The following PEBP4 variants were observed in gnomAD, a reference collection of about 807,000 sequenced individuals.
PEBP4 encodes phosphatidylethanolamine-binding protein 4.
In PEBP4, 22 loss-of-function variants were observed where a neutral mutation model predicts 23.9. The observed-to-expected ratio is 0.92, with a 90% CI of 0.66 to 1.31. The LOEUF (loss-of-function observed/expected upper bound fraction) is 1.31. Among genes scored for constraint, PEBP4 ranks in the 40% most tolerant of loss-of-function variants. The pLI, the probability that PEBP4 is intolerant of heterozygous loss-of-function variation, is 0.00. For synonymous variants in PEBP4, 112 were observed against 99.3 expected (o/e 1.13, Z -0.76); for missense variants, 324 against 281.7 (o/e 1.15, Z -1.07).
At chr8:22,924,727 A>G in intron 2 of PEBP4, 1 of 985,298 alleles carries the variant, frequency 1.0e-6, no homozygotes, top group Non-Finnish European at 1.2e-6. Context: ...GGGTTTTTTG[A>G]GTGGATTCAC....
At chr8:22,889,143 C>T (rs186446795) in intron 3 of PEBP4, among the ~76,000 whole-genome samples, 107 of 152,352 alleles carry the variant, frequency 7.0e-4, no homozygotes, top group African/African-American at 2.3e-3. Context: ...TTGATTTGGA[C>T]TCAAAAGACC....
At chr8:22,928,421 C>A (rs1533067), upstream of PEBP4, among the ~76,000 whole-genome samples, 151,745 of 152,308 alleles carry the variant, frequency 1, 75,597 homozygotes, top group Middle Eastern at 1. Flanking sequence ...AGCTGTGCTG[C>A]ACTCAGCACT....
At chr8:22,833,087 G>T (rs1294009407) in intron 3 of PEBP4, among the ~76,000 whole-genome samples, 1 of 152,186 alleles carries the variant, frequency 6.6e-6, no homozygotes, top group African/African-American at 2.4e-5. Context: ...TCTTGCCCAT[G>T]CTTCCCCCGT....
At chr8:22,854,999 C>T (rs981266537) in intron 3 of PEBP4, among the ~76,000 whole-genome samples, 7 of 51,660 alleles carry the variant, frequency 1.4e-4, no homozygotes, top group South Asian at 9.2e-4. Context: ...TGAGTATGCA[C>T]GCACACACAC....
At chr8:22,750,244 G>A (rs1265872327) in intron 4 of PEBP4, among the ~76,000 whole-genome samples, 1 of 152,088 alleles carries the variant, frequency 6.6e-6, no homozygotes, top group Non-Finnish European at 1.5e-5. Context: ...TGGGATTACA[G>A]GTGCCTGCCA....
chr8:22,800,998 C>T (rs987045306), intron 4 of PEBP4, among the ~76,000 whole-genome samples: 2 of 152,112 alleles, frequency 1.3e-5, no homozygotes, highest in East Asian at 1.9e-4. Context: ...TCTGCCACTC[C>T]ACACCCTCCC....
chr8:22,715,078 G>A (rs984205042), intron 6 of PEBP4, among the ~76,000 whole-genome samples: 2 of 152,244 alleles, frequency 1.3e-5, no homozygotes, highest in Non-Finnish European at 2.9e-5. Context: ...AGGAAGCTTC[G>A]TAGTGGCAGG....
chr8:22,719,266 G>A (rs888924155), intron 6 of PEBP4, among the ~76,000 whole-genome samples: 49 of 152,294 alleles, frequency 3.2e-4, no homozygotes, highest in African/African-American at 1.1e-3. Context: ...TTTCCAGCAC[G>A]TTGACACCAT....
At chr8:22,736,717 A>G (rs1256359689) in intron 4 of PEBP4, among the ~76,000 whole-genome samples, 2 of 152,238 alleles carry the variant, frequency 1.3e-5, no homozygotes, top group Non-Finnish European at 2.9e-5. Context: ...TGCCCTTTCT[A>G]GCTACTCAGA....
At chr8:22,787,779 T>C (rs916045676) in intron 4 of PEBP4, among the ~76,000 whole-genome samples, 4 of 152,086 alleles carry the variant, frequency 2.6e-5, no homozygotes, top group Non-Finnish European at 5.9e-5. Flanking sequence ...TGATGGGGAA[T>C]GTGGGAGTTT....
At chr8:22,778,842 T>C (rs1037861067) in intron 4 of PEBP4, among the ~76,000 whole-genome samples, 1 of 151,974 alleles carries the variant, frequency 6.6e-6, no homozygotes, top group African/African-American at 2.4e-5. Context: ...TTTTTCGGGG[T>C]AAGTAAAGTC....
At chr8:22,764,391 G>A (rs1805569414) in intron 4 of PEBP4, among the ~76,000 whole-genome samples, 1 of 152,098 alleles carries the variant, frequency 6.6e-6, no homozygotes, top group African/African-American at 2.4e-5. Context: ...GATATGTGAA[G>A]GTGTGAGCTG....
At chr8:22,911,310 G>C (rs10095219) in intron 3 of PEBP4, among the ~76,000 whole-genome samples, 1,902 of 152,030 alleles carry the variant, frequency 0.013, 45 homozygotes, top group African/African-American at 0.043. Context: ...CCTCAAAGTC[G>C]GGATCCTATG....
In PEBP4 at chr8:22,776,814, T is replaced by G. The variant is rs1308647961; in HGVS notation, c.357+40823A>C. 9.3e-5 allele frequency among the ~76,000 whole-genome samples: 14 copies of G among 149,862 alleles called. No homozygotes were observed. In the Admixed American group the frequency reaches 9.4e-4, roughly 10 times the overall value. Reference sequence around the variant, plus strand: ...CCGAGATATTGGTCAATGAATCCCATGCCAGCTGACTCCTCCTCTTCAGAG... The same window carrying G: ...CCGAGATATTGGTCAATGAATCCCAGGCCAGCTGACTCCTCCTCTTCAGAG... On this transcript the variant is annotated intron_variant, in intron 4 of 6. Coordinates refer to ENST00000256404, the MANE Select transcript of PEBP4 (RefSeq NM_144962.3).
chr8:22,862,799 CTTTT>C (rs3060707), intron 3 of PEBP4, among the ~76,000 whole-genome samples: 9 of 110,854 alleles, frequency 8.1e-5, no homozygotes, highest in Admixed American at 9.4e-5. Context: ...CCCTCATAAC[CTTTT>C]TTTTTTTTTT....
In PEBP4 at chr8:22,892,948, G is replaced by C. The variant is rs1216498406; in HGVS notation, c.258+27236C>G. Among the ~76,000 whole-genome samples, 4 of 152,210 alleles carry C rather than the reference G, an allele frequency of 2.6e-5. No homozygotes were observed. In the East Asian group the frequency reaches 7.7e-4, roughly 29 times the overall value. On this transcript the variant is annotated intron_variant, in intron 3 of 6. Coordinates refer to ENST00000256404, the MANE Select transcript of PEBP4 (RefSeq NM_144962.3). ...TTGAGGAGATAGAGCTCAAGTCCAA[G>C]GGGGTTAAGGTGGTCATGATTCACA... is the stretch of plus-strand genomic sequence containing the variant.
At chr8:22,930,886 C>T (rs1417429195), upstream of PEBP4, among the ~76,000 whole-genome samples, 1 of 152,126 alleles carries the variant, frequency 6.6e-6, no homozygotes, top group Non-Finnish European at 1.5e-5. Flanking sequence ...TTCTTGGTGC[C>T]CACCCTTGAA....
At chr8:22,844,130 T>A (rs998821065) in intron 3 of PEBP4, among the ~76,000 whole-genome samples, 1 of 152,204 alleles carries the variant, frequency 6.6e-6, no homozygotes, top group African/African-American at 2.4e-5. Context: ...TGCTTCTGCC[T>A]CTATAAACCG....
chr8:22,845,298 C>T (rs763558728), intron 3 of PEBP4, among the ~76,000 whole-genome samples: 7 of 151,480 alleles, frequency 4.6e-5, no homozygotes, highest in African/African-American at 7.3e-5. Context: ...CTCTGGGAGG[C>T]CAAGGCAGGA....
Sources: allele counts gnomAD v4.1 joint callset (sites outside exome capture counted in the v4.1 genomes callset), GRCh38; gene constraint gnomAD v4.1.1; transcripts MANE v1.5; gene names NCBI Gene and HGNC (gene_info 2026-07-23, HGNC 2026-07-21).